The following CABLES2 variants were observed in gnomAD, a reference collection of about 807,000 sequenced individuals.
The protein encoded by CABLES2 is CDK5 and ABL1 enzyme substrate 2.
Under a neutral mutation model 44.8 loss-of-function variants are expected in CABLES2, and 35 were observed. That is an observed-to-expected ratio of 0.78 (90% CI 0.60 to 1.04). The LOEUF is 1.04. Ranked by LOEUF, CABLES2 falls within the 50% of genes least tolerant of loss-of-function variation. CABLES2 has a pLI of 0.00. For synonymous variants in CABLES2, 282 were observed against 281.1 expected (o/e 1.00, Z -0.03); for missense variants, 566 against 615.7 (o/e 0.92, Z 0.85).
chr20:62,398,738 G>C (rs778370766), intron 1 of CABLES2, among the ~76,000 whole-genome samples: 2 of 152,234 alleles, frequency 1.3e-5, no homozygotes, highest in Admixed American at 6.5e-5. Context: ...CAAGGCGCTG[G>C]GTTGGGCACA....
At chr20:62,400,011 C>A (rs1383509916) in intron 1 of CABLES2, among the ~76,000 whole-genome samples, 3 of 152,196 alleles carry the variant, frequency 2.0e-5, no homozygotes, top group Non-Finnish European at 4.4e-5. Flanking sequence ...TGATTAAAAT[C>A]TTTTAAAAGG....
chr20:62,406,596 G>A (rs926400935), intron 1 of CABLES2, among the ~76,000 whole-genome samples: 1 of 152,188 alleles, frequency 6.6e-6, no homozygotes, highest in Non-Finnish European at 1.5e-5. Flanking sequence ...CTGTATCCAG[G>A]ACTGACAAGG....
Position 62,388,887 on chromosome 20 carries a change from T to C in CABLES2, c.*2084A>G, listed in dbSNP as rs113390044. 6.8e-5 allele frequency: 14 copies of C among 205,218 alleles called. No homozygotes were observed. The highest frequency in any genetic ancestry group is 2.3e-4 in the African/African-American group (10 of 42,826). The allele number at this position is 205,218 out of a possible 1,614,324, so 12.7% of individuals were successfully genotyped here. A position where few individuals can be genotyped will look rare whatever the true frequency, so the allele number is the denominator to read the frequency against. On this transcript the variant is annotated 3_prime_UTR_variant, in exon 10 of 10. Coordinates refer to ENST00000279101, the MANE Select transcript of CABLES2 (RefSeq NM_031215.3). ...TAGTTTGGTTTAACTACTGGCTTTG[T>C]TGCAATAATCCTCGAATACCACACA...
chr20:62,398,115 GTGGTGGTGGTTA>G (rs1988092631), intron 1 of CABLES2, among the ~76,000 whole-genome samples: 2 of 103,754 alleles, frequency 1.9e-5, no homozygotes, highest in East Asian at 3.3e-4. Context: ...GATGGTGGTG[GTGGTGGTGGTTA>G]TGACGGTGGT....
In CABLES2 at chr20:62,397,951, T is replaced by TGGTG. The variant is rs1569017203; in HGVS notation, c.363-1360_363-1359insCACC. On this transcript the variant is annotated intron_variant, in intron 1 of 9. Coordinates refer to ENST00000279101, the MANE Select transcript of CABLES2 (RefSeq NM_031215.3). Reference sequence around the variant, plus strand: ...GTGGTGGTGGTGATGGTGGTGACGGTAGTGGTGGTGATGGTGGTGACAGTG... The same window carrying TGGTG: ...GTGGTGGTGGTGATGGTGGTGACGGTGGTGAGTGGTGGTGATGGTGGTGACAGTG... Among the ~76,000 whole-genome samples the TGGTG allele has an allele frequency of 7.0e-4, 17 of 24,118 alleles. 2 individuals are homozygous for TGGTG. The highest frequency in any genetic ancestry group is 0.015 in the Middle Eastern group (1 of 66). 15.8% of individuals were successfully genotyped at this position (24,118 alleles called of 152,430 possible). A position where few individuals can be genotyped will look rare whatever the true frequency, so the allele number is the denominator to read the frequency against.
In CABLES2 at chr20:62,388,691, G is replaced by C; in HGVS notation, c.*2280C>G. The C allele has an allele frequency of 3.4e-6, 2 of 589,548 alleles. No homozygotes were observed. The highest frequency in any genetic ancestry group is 6.0e-6 in the Non-Finnish European group (2 of 334,412). The allele number at this position is 589,548 out of a possible 1,614,324, so 36.5% of individuals were successfully genotyped here. A position where few individuals can be genotyped will look rare whatever the true frequency, so the allele number is the denominator to read the frequency against. Reference sequence around the variant, plus strand: ...TATCCATTTAAAAACAGATATCTAAGACAAAATAACTCAAACATTCTGAGG... The same window carrying C: ...TATCCATTTAAAAACAGATATCTAACACAAAATAACTCAAACATTCTGAGG... On this transcript the variant is annotated 3_prime_UTR_variant, in exon 10 of 10. Coordinates refer to ENST00000279101, the MANE Select transcript of CABLES2 (RefSeq NM_031215.3).
intron 1 of CABLES2, among the ~76,000 whole-genome samples, chr20:62,397,383 C>T (rs904494701): frequency 5.3e-5 from 8 of 152,300 alleles, no homozygotes; most frequent in African/African-American, 1.9e-4. Flanking sequence ...TCACTGCTGT[C>T]CTTAGTGCCT....
intron 1 of CABLES2, among the ~76,000 whole-genome samples, chr20:62,406,535 G>A (rs1253796156): frequency 1.3e-5 from 2 of 152,104 alleles, no homozygotes; most frequent in Non-Finnish European, 2.9e-5. Context: ...CCTATGTGTG[G>A]GGGGTGACAG....
intron 4 of CABLES2, among the ~76,000 whole-genome samples, chr20:62,394,618 T>G (rs1461251033): frequency 6.6e-6 from 1 of 152,154 alleles, no homozygotes; most frequent in African/African-American, 2.4e-5. Context: ...TGTTTCCTCC[T>G]TCCCTGAATT....
chr20:62,392,623 C>G (rs184674000), intron 7 of CABLES2, 128 bp from the exon 8 acceptor site: 1 of 728,374 alleles, frequency 1.4e-6, no homozygotes, highest in Non-Finnish European at 2.4e-6. Context: ...TGAGAGGCCC[C>G]GAATCTCTGA....
Position 62,396,622 on chromosome 20 carries a change from G to A in CABLES2, c.363-30C>T, listed in dbSNP as rs1040730239. 3 of 1,593,638 alleles carry A rather than the reference G, an allele frequency of 1.9e-6. No individual in the cohort carries two copies. Among genetic ancestry groups the A allele is most frequent in the South Asian group, 2.3e-5 (2 of 88,836 alleles). On this transcript the variant is annotated intron_variant, in intron 1 of 9. Coordinates refer to ENST00000279101, the MANE Select transcript of CABLES2 (RefSeq NM_031215.3). This position sits in a 1 kb window ranked among gnomAD's most constrained non-coding sequence, Gnocchi z 5.7. ...AAGATGACAATGGAGCCTCAAAACA[G>A]GCCACCAGCCCGGGTGCCGCCTTTG...
Position 62,407,253 on chromosome 20 carries a change from T to TC in CABLES2, c.23dup (p.Ala9SerfsTer148). Reference sequence around the variant, plus strand: ...CGGGGCCGGGGGCCGGGCCCGGGGCTCCACCGGCCGCGGCCGCGGCCATCC... The same window carrying TC: ...CGGGGCCGGGGGCCGGGCCCGGGGCTCCCACCGGCCGCGGCCGCGGCCATCC... On this transcript the variant is annotated frameshift_variant, in exon 1 of 10. Coordinates refer to ENST00000279101, the MANE Select transcript of CABLES2 (RefSeq NM_031215.3). LOFTEE classifies it high-confidence loss of function. 1.5e-6 allele frequency: 1 copy of TC among 663,628 alleles called. No individual in the cohort carries two copies. The highest frequency in any genetic ancestry group is 1.8e-6 in the Non-Finnish European group (1 of 540,974). 41.1% of individuals were successfully genotyped at this position (663,628 alleles called of 1,614,324 possible).
In CABLES2 at chr20:62,388,771, A is replaced by G; in HGVS notation, c.*2200T>C. ...CACAACTGCTACCGGTGCGGAAGCA[A>G]CGCCAGGCCTGGTTCTGTATAGTCA... On this transcript the variant is annotated 3_prime_UTR_variant, in exon 10 of 10. Transcript: ENST00000279101. 2 of 463,108 alleles carry G rather than the reference A, an allele frequency of 4.3e-6. No homozygotes were observed. The highest frequency in any genetic ancestry group is 7.8e-6 in the Non-Finnish European group (2 of 256,602). 28.7% of individuals were successfully genotyped at this position (463,108 alleles called of 1,614,324 possible). A position where few individuals can be genotyped will look rare whatever the true frequency, so the allele number is the denominator to read the frequency against.
chr20:62,398,212 T>TG (rs1491343862), intron 1 of CABLES2, among the ~76,000 whole-genome samples: 32 of 43,212 alleles, frequency 7.4e-4, no homozygotes, highest in Admixed American at 8.6e-4. Context: ...GTGATGGTGA[T>TG]GTGATGGTGG....
At chr20:62,401,617 C>A (rs573679388) in intron 1 of CABLES2, among the ~76,000 whole-genome samples, 45 of 152,240 alleles carry the variant, frequency 3.0e-4, no homozygotes, top group Non-Finnish European at 4.7e-4. Flanking sequence ...AGCACACACG[C>A]CGGTCAGCAG....
chr20:62,396,215 G>T lies in CABLES2; in HGVS notation c.527+100C>A. ...GGTGTGGAGTGTGGGGTGGGCGGGA[G>T]CTTTGGGAGTGGAGGGAAGATTGCT... On this transcript the variant is annotated intron_variant, in intron 3 of 9. Coordinates refer to ENST00000279101, the MANE Select transcript of CABLES2 (RefSeq NM_031215.3). The surrounding 1 kb of genome is among the most constrained non-coding windows in gnomAD (Gnocchi z 5.7). The T allele has an allele frequency of 2.0e-6, 2 of 984,900 alleles. No individual in the cohort carries two copies. The highest frequency in any genetic ancestry group is 2.4e-5 in the East Asian group (1 of 41,944). The allele number at this position is 984,900 out of a possible 1,614,324, so 61.0% of individuals were successfully genotyped here.
chr20:62,393,692 C>T, intron 5 of CABLES2, 87 bp from the exon 6 acceptor site: 1 of 1,400,676 alleles, frequency 7.1e-7, no homozygotes, highest in Non-Finnish European at 9.6e-7. Flanking sequence ...CCCAGACGCA[C>T]ATGCCAGGAG....
chr20:62,394,151 T>G lies in CABLES2; in HGVS notation c.714+6A>C. 1 of 1,612,070 alleles carries G rather than the reference T, an allele frequency of 6.2e-7. No individual in the cohort carries two copies. Among genetic ancestry groups the G allele is most frequent in the South Asian group, 1.1e-5 (1 of 91,058 alleles). ...GCTGGGTGTCCACCAGCGAAGAGGC[T>G]CTTACCTTCCCGTCTGCTCCTAGCT... On this transcript the variant is annotated splice_donor_region_variant and intron_variant, in intron 5 of 9. Coordinates refer to ENST00000279101, the MANE Select transcript of CABLES2 (RefSeq NM_031215.3).
chr20:62,398,213 GTGA>G (rs1988111993), intron 1 of CABLES2, among the ~76,000 whole-genome samples: 7 of 81,892 alleles, frequency 8.5e-5, no homozygotes, highest in Admixed American at 3.4e-4. Context: ...TGATGGTGAT[GTGA>G]TGGTGGTGGT....
Sources: gnomAD v4.1 joint callset for allele counts (sites outside exome capture counted in the v4.1 genomes callset) on GRCh38, gnomAD v4.1.1 for gene constraint, Gnocchi (gnomAD v3.1) non-coding constraint, MANE v1.5 for transcripts, NCBI Gene and HGNC (gene_info 2026-07-23, HGNC 2026-07-21) for gene names.